CNTNAP2: variants seen among roughly 807,000 people sequenced by gnomAD.
CNTNAP2 encodes contactin associated protein 2.
In CNTNAP2, 98 loss-of-function variants were observed where a neutral mutation model predicts 155.2. That is an observed-to-expected ratio of 0.63 (90% CI 0.54 to 0.75). The LOEUF (loss-of-function observed/expected upper bound fraction) is 0.75. Among genes scored for constraint, CNTNAP2 ranks in the 30% least tolerant of loss-of-function variants. The pLI, the probability that CNTNAP2 is intolerant of heterozygous loss-of-function variation, is 0.00. For synonymous variants in CNTNAP2, 651 were observed against 631.2 expected (o/e 1.03, Z -0.47); for missense variants, 1,727 against 1,688.1 (o/e 1.02, Z -0.40).
intron 4 of CNTNAP2, among the ~76,000 whole-genome samples, chr7:147,083,841 C>CATATTATATACATATACACATGTATGTAT: frequency 1.4e-5 from 2 of 139,188 alleles, no homozygotes; most frequent in African/African-American, 2.6e-5. Flanking sequence ...CATGTATGTA[C>CATATTATATACATATACACATGTATGTAT]ATATTATATA....
chr7:147,037,605 G>A (rs1282417250), intron 3 of CNTNAP2, among the ~76,000 whole-genome samples: 1 of 151,908 alleles, frequency 6.6e-6, no homozygotes, highest in Non-Finnish European at 1.5e-5. Context: ...GGGATTACAG[G>A]TGCATGCCAC....
intron 13 of CNTNAP2, among the ~76,000 whole-genome samples, chr7:147,707,346 G>A (rs772686229): frequency 6.6e-6 from 1 of 152,190 alleles, no homozygotes; most frequent in Non-Finnish European, 1.5e-5. Context: ...CTGGATGCTT[G>A]CAGTAGTGTA....
At chr7:146,166,275 T>C (rs1284107951) in intron 1 of CNTNAP2, among the ~76,000 whole-genome samples, 1 of 152,094 alleles carries the variant, frequency 6.6e-6, no homozygotes, top group African/African-American at 2.4e-5. Context: ...GTATTTTTAG[T>C]AGAGATGGGG....
intron 1 of CNTNAP2, among the ~76,000 whole-genome samples, chr7:146,761,135 C>T (rs941013481): frequency 2.6e-5 from 4 of 152,188 alleles, no homozygotes; most frequent in African/African-American, 9.7e-5. Flanking sequence ...TTCATTCTGA[C>T]ACTGGTCACT....
intron 18 of CNTNAP2, among the ~76,000 whole-genome samples, chr7:148,203,066 T>C (rs2116733691): frequency 6.6e-6 from 1 of 152,344 alleles, no homozygotes; most frequent in Admixed American, 6.5e-5. Context: ...TTGGTTTCCT[T>C]GAGGTGAATC....
At chr7:147,610,177 A>G (rs188910257) in intron 12 of CNTNAP2, among the ~76,000 whole-genome samples, 4 of 152,366 alleles carry the variant, frequency 2.6e-5, no homozygotes, top group Admixed American at 2.6e-4. Context: ...AGCATGTTAT[A>G]ATGTAAATAA....
chr7:147,424,664 A>G (rs965438071), intron 10 of CNTNAP2, among the ~76,000 whole-genome samples: 18 of 152,220 alleles, frequency 1.2e-4, no homozygotes, highest in African/African-American at 4.3e-4. Context: ...TATATCCTCT[A>G]TTGAGTTTTA....
At chr7:147,324,908 T>G (rs1038869502) in intron 9 of CNTNAP2, among the ~76,000 whole-genome samples, 16 of 152,104 alleles carry the variant, frequency 1.1e-4, no homozygotes, top group Non-Finnish European at 2.2e-4. Flanking sequence ...CTAGGAAAAA[T>G]GCATTGTTAA....
intron 21 of CNTNAP2, among the ~76,000 whole-genome samples, chr7:148,334,692 G>A (rs1798086373): frequency 6.6e-6 from 1 of 152,154 alleles, no homozygotes; most frequent in Admixed American, 6.5e-5. Flanking sequence ...GCACACCTTT[G>A]CCAGGCCCCA....
intron 10 of CNTNAP2, among the ~76,000 whole-genome samples, chr7:147,396,395 G>A (rs996805247): frequency 6.6e-6 from 1 of 151,608 alleles, no homozygotes; most frequent in African/African-American, 2.4e-5. Context: ...TCCAAAACCC[G>A]CTTCTGAAAG....
intron 1 of CNTNAP2, among the ~76,000 whole-genome samples, chr7:146,663,346 TC>T: frequency 6.8e-6 from 1 of 148,064 alleles, no homozygotes; most frequent in Non-Finnish European, 1.5e-5. Context: ...TTAATGTGAG[TC>T]CTCCTTAGTT....
At chr7:148,305,867 C>T (rs1335094824) in intron 21 of CNTNAP2, among the ~76,000 whole-genome samples, 1 of 152,118 alleles carries the variant, frequency 6.6e-6, no homozygotes, top group African/African-American at 2.4e-5. Context: ...ACCATCCTTG[C>T]ATCTCTCTTC....
intron 4 of CNTNAP2, among the ~76,000 whole-genome samples, chr7:147,105,972 T>C (rs1054674226): frequency 5.9e-5 from 9 of 152,002 alleles, no homozygotes; most frequent in African/African-American, 2.2e-4. Context: ...TGTCACATTT[T>C]CTCATTGCTC....
chr7:146,128,658 A>G (rs1171476817), intron 1 of CNTNAP2, among the ~76,000 whole-genome samples: 1 of 152,186 alleles, frequency 6.6e-6, no homozygotes, highest in East Asian at 1.9e-4. Flanking sequence ...AAATATTTCT[A>G]GGTACACAAC....
intron 1 of CNTNAP2, among the ~76,000 whole-genome samples, chr7:146,253,408 C>G (rs1281399187): frequency 1.3e-5 from 2 of 152,248 alleles, no homozygotes; most frequent in African/African-American, 2.4e-5. Flanking sequence ...GCAGTCTCCA[C>G]ACACTGCAGC....
intron 13 of CNTNAP2, among the ~76,000 whole-genome samples, chr7:147,811,983 G>C (rs754331522): frequency 6.6e-6 from 1 of 152,146 alleles, no homozygotes; most frequent in Non-Finnish European, 1.5e-5. Context: ...GTATAGAGTA[G>C]ATTAGAAGGA....
At chr7:147,450,173 T>A (rs1363971787) in intron 10 of CNTNAP2, among the ~76,000 whole-genome samples, 1 of 152,230 alleles carries the variant, frequency 6.6e-6, no homozygotes, top group African/African-American at 2.4e-5. Flanking sequence ...AGAACGTTTT[T>A]TTCCCACTGG....
At chr7:147,703,138 TC>T (rs1796261646) in intron 13 of CNTNAP2, among the ~76,000 whole-genome samples, 1 of 152,070 alleles carries the variant, frequency 6.6e-6, no homozygotes, top group South Asian at 2.1e-4. Flanking sequence ...CCTGAACCCT[TC>T]TCCATACACC....
rs137975569 is a variant in CNTNAP2, at chr7:147,575,184, A to ATG, written c.1897+12945_1897+12946dup. On this transcript the variant is annotated intron_variant, in intron 12 of 23. Coordinates refer to ENST00000361727, the MANE Select transcript of CNTNAP2 (RefSeq NM_014141.6). ...TAGCTTTAGGAGTATGCATATGTGT[A>ATG]TGTGTGTGTGTGTGTGTGTATTCCC... Among the ~76,000 whole-genome samples, 132 of 17,064 alleles carry ATG rather than the reference A, an allele frequency of 7.7e-3. 3 individuals carry two copies. The highest frequency in any genetic ancestry group is 0.046 in the South Asian group (22 of 474). 11.2% of individuals were successfully genotyped at this position (17,064 alleles called of 152,430 possible).
Sources: allele counts gnomAD v4.1 joint callset (sites outside exome capture counted in the v4.1 genomes callset), GRCh38; gene constraint gnomAD v4.1.1; transcripts MANE v1.5; gene names NCBI Gene and HGNC (gene_info 2026-07-23, HGNC 2026-07-21).